The following RBFOX1 variants were observed in gnomAD, a reference collection of about 807,000 sequenced individuals.
RBFOX1 encodes RNA binding protein fox-1 homolog 1.
RBFOX1 carries 8 observed loss-of-function variants against 57.7 expected under a neutral mutation model. The ratio of observed to expected loss-of-function variants is 0.14; its 90% CI spans 0.08 to 0.25. The LOEUF is 0.25. RBFOX1 is among the 10% of genes least tolerant of loss of function. The pLI, the probability that RBFOX1 is intolerant of heterozygous loss-of-function variation, is 1.00. For synonymous variants in RBFOX1, 326 were observed against 222.4 expected, an observed-to-expected ratio of 1.47 and a Z score of -4.15; for missense variants, 611 against 548.5, an observed-to-expected ratio of 1.11 and a Z score of -1.14.
chr16:7,194,233 A>G (rs1383368491), intron 4 of RBFOX1, among the ~76,000 whole-genome samples: 1 of 152,224 alleles, frequency 6.6e-6, no homozygotes, highest in Admixed American at 6.5e-5. Flanking sequence ...GTCTACAGGT[A>G]ATGGTTGTTA....
chr16:7,534,288 T>G (rs1350098201), intron 5 of RBFOX1, among the ~76,000 whole-genome samples: 1 of 151,872 alleles, frequency 6.6e-6, no homozygotes, highest in Non-Finnish European at 1.5e-5. Context: ...AGATGGGGTT[T>G]CACCATGTTA....
At chr16:6,858,639 T>G (rs988885447) in intron 3 of RBFOX1, among the ~76,000 whole-genome samples, 1 of 152,218 alleles carries the variant, frequency 6.6e-6, no homozygotes, top group African/African-American at 2.4e-5. Flanking sequence ...TTAGTTTATA[T>G]GAGACATATC....
In RBFOX1 at chr16:6,441,550, G is replaced by A. The variant is rs2094382824; in HGVS notation, c.-64+124493G>A. On this transcript the variant is annotated intron_variant, in intron 2 of 15. Transcript: ENST00000550418. ...TCCTGCCTCAGCCTCCCAAGTAGTT[G>A]GGATTACAGGCGTGTGCCACCGTGC... 1.3e-5 allele frequency among the ~76,000 whole-genome samples: 2 copies of A among 152,014 alleles called. 1 individual carries two copies. Among genetic ancestry groups the A allele is most frequent in the African/African-American group, 4.8e-5 (2 of 41,368 alleles).
chr16:6,037,228 A>G (rs997841353), intron 1 of RBFOX1: 2 of 152,252 alleles, frequency 1.3e-5, no homozygotes, highest in East Asian at 3.9e-4. Context: ...TAAAACCACA[A>G]CAGTAATGTT....
chr16:6,154,308 C>T (rs376082296), intron 1 of RBFOX1, among the ~76,000 whole-genome samples: 4 of 152,118 alleles, frequency 2.6e-5, no homozygotes, highest in Non-Finnish European at 2.9e-5. Context: ...GTCACTTTTG[C>T]ACCAAGTTAG....
intron 2 of RBFOX1, among the ~76,000 whole-genome samples, chr16:5,484,401 A>T (rs1419063931): frequency 6.6e-6 from 1 of 152,228 alleles, no homozygotes; most frequent in Non-Finnish European, 1.5e-5. Flanking sequence ...GAGAGAGGGC[A>T]CCCAAGTCAG....
chr16:6,093,992 G>A (rs1279803573), intron 1 of RBFOX1, among the ~76,000 whole-genome samples: 1 of 152,146 alleles, frequency 6.6e-6, no homozygotes, highest in African/African-American at 2.4e-5. Flanking sequence ...GAGAAATCAT[G>A]CCGCTTTTTT....
Position 6,219,933 on chromosome 16 carries a change from T to TA in RBFOX1, c.-126-97061dup, listed in dbSNP as rs1472866268. Among the ~76,000 whole-genome samples the TA allele has an allele frequency of 7.2e-5, 11 of 152,260 alleles. No homozygotes were observed. The East Asian group carries it at 2.1e-3, about 29-fold the overall frequency. On this transcript the variant is annotated intron_variant, in intron 1 of 15. Transcript: ENST00000550418. ...CTAATTCTCGTATCGATTGTGATAA[T>TA]ACATGAAAAGCTCTTAGCACAAATG... is the stretch of plus-strand genomic sequence containing the variant.
intron 1 of RBFOX1, among the ~76,000 whole-genome samples, chr16:6,111,907 A>T (rs916541051): frequency 6.6e-6 from 1 of 152,222 alleles, no homozygotes; most frequent in Non-Finnish European, 1.5e-5. Flanking sequence ...ATCCATATAC[A>T]ATACTTGGCT....
At chr16:5,289,149 A>G (rs185435953) in intron 1 of RBFOX1, 43 of 242,568 alleles carry the variant, frequency 1.8e-4, no homozygotes, top group African/African-American at 9.5e-4. Flanking sequence ...ACACACAACA[A>G]TAACATTAAA....
intron 2 of RBFOX1, among the ~76,000 whole-genome samples, chr16:5,544,469 A>G (rs1180255798): frequency 2.0e-5 from 3 of 152,208 alleles, no homozygotes; most frequent in Non-Finnish European, 4.4e-5. Context: ...AAGTTCTCCA[A>G]TTTCACTCTA....
At chr16:5,444,893 A>C (rs1198092890) in intron 1 of RBFOX1, among the ~76,000 whole-genome samples, 2 of 152,184 alleles carry the variant, frequency 1.3e-5, no homozygotes, top group Non-Finnish European at 2.9e-5. Context: ...TGCTGTTACT[A>C]GCCCTATTTT....
At chr16:6,178,180 T>A (rs1379104369) in intron 1 of RBFOX1, among the ~76,000 whole-genome samples, 1 of 114,678 alleles carries the variant, frequency 8.7e-6, no homozygotes, top group Non-Finnish European at 1.7e-5. Flanking sequence ...GGTCACTCTT[T>A]TTTTTTTTTT....
At chr16:7,246,673 A>G (rs903907062) in intron 4 of RBFOX1, among the ~76,000 whole-genome samples, 4 of 133,400 alleles carry the variant, frequency 3.0e-5, no homozygotes, top group Admixed American at 7.7e-5. Context: ...TTTGAATGCA[A>G]TTATTCCTTC....
chr16:5,429,040 G>A (rs900521861), intron 1 of RBFOX1, among the ~76,000 whole-genome samples: 1 of 152,130 alleles, frequency 6.6e-6, no homozygotes, highest in Non-Finnish European at 1.5e-5. Context: ...CCGCTACGAA[G>A]TTGCTAGGCT....
intron 4 of RBFOX1, among the ~76,000 whole-genome samples, chr16:7,140,120 C>G (rs1464407638): frequency 2.0e-5 from 3 of 150,222 alleles, no homozygotes; most frequent in African/African-American, 7.4e-5. Flanking sequence ...CTGCATGAAA[C>G]TAATTCATTC....
At chr16:5,589,155 G>A (rs1303173212) in intron 2 of RBFOX1, among the ~76,000 whole-genome samples, 2 of 152,172 alleles carry the variant, frequency 1.3e-5, no homozygotes. Flanking sequence ...GCTGGGTCCA[G>A]GACCCACTGT....
At chr16:6,309,928 G>C (rs921430775) in intron 1 of RBFOX1, among the ~76,000 whole-genome samples, 2 of 152,194 alleles carry the variant, frequency 1.3e-5, no homozygotes, top group African/African-American at 4.8e-5. Flanking sequence ...ACAGAGTCTC[G>C]CTGTGTCGCC....
At chr16:5,918,224 A>T (rs2058750004) in intron 4 of RBFOX1, among the ~76,000 whole-genome samples, 1 of 152,080 alleles carries the variant, frequency 6.6e-6, no homozygotes, top group South Asian at 2.1e-4. Flanking sequence ...GGTTCAAGTG[A>T]TTCTCCTGCC....
Sources: allele counts gnomAD v4.1 joint callset (sites outside exome capture counted in the v4.1 genomes callset), GRCh38; gene constraint gnomAD v4.1.1; transcripts MANE v1.5; gene names NCBI Gene and HGNC (gene_info 2026-07-23, HGNC 2026-07-21).